AGBL1: variants seen among roughly 807,000 people sequenced by gnomAD.
AGBL1 encodes cytosolic carboxypeptidase 4.
A neutral mutation model predicts 118.9 loss-of-function variants in AGBL1; 130 were observed. That is an observed-to-expected ratio of 1.09 (90% CI 0.95 to 1.26). AGBL1 has a LOEUF of 1.26. AGBL1 is among the 50% of genes most tolerant of loss of function. AGBL1 has a pLI of 0.00. For missense variants in AGBL1, 1,584 were observed against 1,298.1 expected, an observed-to-expected ratio of 1.22 and a Z score of -3.38; for synonymous variants, 555 against 478.9, an observed-to-expected ratio of 1.16 and a Z score of -2.08.
intron 22 of AGBL1, among the ~76,000 whole-genome samples, chr15:86,804,276 C>G (rs943548507): frequency 1.3e-5 from 2 of 152,162 alleles, no homozygotes. Context: ...AAGCTTTTGA[C>G]ATATCTCAGG....
At chr15:87,005,801 T>C (rs915370595) in intron 24 of AGBL1, among the ~76,000 whole-genome samples, 1 of 152,242 alleles carries the variant, frequency 6.6e-6, no homozygotes, top group Non-Finnish European at 1.5e-5. Context: ...TTTTCTGCTC[T>C]GTTTTTTCCC....
intron 22 of AGBL1, among the ~76,000 whole-genome samples, chr15:86,802,280 T>C (rs1225011514): frequency 1.6e-5 from 1 of 62,852 alleles, no homozygotes; most frequent in Non-Finnish European, 5.8e-5. Context: ...GAGGTTTTCA[T>C]TTTTTTTTTC....
chr15:86,273,538 C>G (rs2079195458), intron 15 of AGBL1, among the ~76,000 whole-genome samples: 1 of 152,180 alleles, frequency 6.6e-6, no homozygotes, highest in East Asian at 1.9e-4. Flanking sequence ...TAGAACGCCT[C>G]TCTCAATTGT....
chr15:86,390,842 G>C (rs936946599), intron 17 of AGBL1, among the ~76,000 whole-genome samples: 1 of 151,400 alleles, frequency 6.6e-6, no homozygotes, highest in East Asian at 1.9e-4. Context: ...GCAAATTTTT[G>C]TATTTTTAGT....
At chr15:86,844,915 A>T (rs1266344846) in intron 22 of AGBL1, among the ~76,000 whole-genome samples, 1 of 152,096 alleles carries the variant, frequency 6.6e-6, no homozygotes, top group Non-Finnish European at 1.5e-5. Context: ...TTTATTTTAC[A>T]TGTGGATATC....
In AGBL1 at chr15:86,260,491, T is replaced by TA. The variant is rs2078965593; in HGVS notation, c.970-2284dup. ...TGACAAACTCTGAAGAGGAGGGTGA[T>TA]AAACAGAGTGAATTCAAGCTCTCCC... On this transcript the variant is annotated intron_variant, in intron 9 of 22. Coordinates refer to ENST00000614907, the MANE Select transcript of AGBL1 (RefSeq NM_001386094.1). 3.3e-5 allele frequency among the ~76,000 whole-genome samples: 5 copies of TA among 152,312 alleles called. 1 individual carries two copies. Among genetic ancestry groups the TA allele is most frequent in the Admixed American group, 3.3e-4 (5 of 15,296 alleles).
At chr15:86,329,741 G>A (rs544724852) in intron 17 of AGBL1, among the ~76,000 whole-genome samples, 1 of 151,356 alleles carries the variant, frequency 6.6e-6, no homozygotes, top group South Asian at 2.1e-4. Flanking sequence ...TTTCTGTGAA[G>A]AGATTTGGGT....
At chr15:86,543,257 G>A (rs2083529651) in intron 19 of AGBL1, among the ~76,000 whole-genome samples, 3 of 151,754 alleles carry the variant, frequency 2.0e-5, no homozygotes, top group South Asian at 2.1e-4. Context: ...ATAACATACT[G>A]CTTCCTCTCT....
intron 21 of AGBL1, among the ~76,000 whole-genome samples, chr15:86,602,028 T>A (rs2084502742): frequency 6.6e-6 from 1 of 152,176 alleles, no homozygotes. Context: ...TCTTAATTGT[T>A]CTCTCCCTCC....
intron 22 of AGBL1, among the ~76,000 whole-genome samples, chr15:86,710,195 C>G (rs2086532054): frequency 6.6e-6 from 1 of 152,090 alleles, no homozygotes; most frequent in African/African-American, 2.4e-5. Context: ...ATGTGACAGC[C>G]AATCCTTCAG....
At chr15:86,101,162 T>C (rs1896691476) in intron 1 of AGBL1, among the ~76,000 whole-genome samples, 1 of 152,160 alleles carries the variant, frequency 6.6e-6, no homozygotes, top group Admixed American at 6.5e-5. Context: ...TATATATTTG[T>C]ACAGTTTCCA....
intron 22 of AGBL1, among the ~76,000 whole-genome samples, chr15:86,694,475 T>C (rs989635917): frequency 3.3e-5 from 5 of 152,114 alleles, no homozygotes; most frequent in Non-Finnish European, 7.4e-5. Flanking sequence ...AACTCGTATA[T>C]TAGTTCTAGG....
chr15:86,319,739 G>T (rs2080073517), intron 17 of AGBL1, among the ~76,000 whole-genome samples: 2 of 92,376 alleles, frequency 2.2e-5, no homozygotes, highest in African/African-American at 3.9e-5. Context: ...TTGCCTCTTT[G>T]GTAGTTTTTT....
intron 19 of AGBL1, among the ~76,000 whole-genome samples, chr15:86,532,592 C>T (rs1448734617): frequency 1.5e-4 from 21 of 143,622 alleles, no homozygotes; most frequent in Non-Finnish European, 2.9e-4. Context: ...ACTTTCTTCA[C>T]AGAATTGGAA....
intron 18 of AGBL1, among the ~76,000 whole-genome samples, chr15:86,399,167 C>T (rs540883700): frequency 6.2e-4 from 94 of 152,254 alleles, no homozygotes; most frequent in African/African-American, 2.2e-3. Flanking sequence ...GCCTTCTGAG[C>T]TCTCAAGCTG....
chr15:86,988,996 C>CTT (rs762271338), intron 24 of AGBL1, among the ~76,000 whole-genome samples: 66 of 114,328 alleles, frequency 5.8e-4, no homozygotes, highest in Non-Finnish European at 7.7e-4. Context: ...TTTCCCCCTG[C>CTT]TTTTTTTTTT....
chr15:86,561,078 C>T (rs1289396017), intron 21 of AGBL1, among the ~76,000 whole-genome samples: 2 of 152,200 alleles, frequency 1.3e-5, no homozygotes, highest in African/African-American at 2.4e-5. Flanking sequence ...TTTTCCCATT[C>T]TGTAGGTTGC....
chr15:87,013,072 A>T (rs1180404298), intron 24 of AGBL1, among the ~76,000 whole-genome samples: 1 of 152,302 alleles, frequency 6.6e-6, no homozygotes, highest in East Asian at 1.9e-4. Flanking sequence ...AGCCTGAATT[A>T]GTTTAACATT....
At chr15:86,725,142 G>A (rs564463862) in intron 22 of AGBL1, among the ~76,000 whole-genome samples, 2 of 152,266 alleles carry the variant, frequency 1.3e-5, no homozygotes, top group East Asian at 1.9e-4. Flanking sequence ...TTGAATAAAT[G>A]AATAAATAAT....
Sources: allele counts gnomAD v4.1 joint callset (sites outside exome capture counted in the v4.1 genomes callset), GRCh38; gene constraint gnomAD v4.1.1; transcripts MANE v1.5; gene names NCBI Gene and HGNC (gene_info 2026-07-23, HGNC 2026-07-21).